DNAJC16: variants seen among roughly 807,000 people sequenced by gnomAD.
The protein encoded by DNAJC16 is DnaJ heat shock protein family (Hsp40) member C16, also known as dnaJ homolog subfamily C member 16.
DNAJC16 carries 76 observed loss-of-function variants against 92.7 expected under a neutral mutation model. That is an observed-to-expected ratio of 0.82 (90% CI 0.68 to 0.99). DNAJC16 has a LOEUF of 0.99. Among genes scored for constraint, DNAJC16 ranks in the 50% least tolerant of loss-of-function variants. The probability of loss-of-function intolerance (pLI) is 0.00; values close to 1 mark genes in which losing one functional copy is unlikely to be tolerated. For missense variants in DNAJC16, 869 were observed against 942.4 expected, an observed-to-expected ratio of 0.92 and a Z score of 1.02; for synonymous variants, 328 against 358.7, an observed-to-expected ratio of 0.91 and a Z score of 0.97.
chr1:15,554,853 A>G (rs1447661478), intron 7 of DNAJC16, among the ~76,000 whole-genome samples: 1 of 152,112 alleles, frequency 6.6e-6, no homozygotes, highest in African/African-American at 2.4e-5. Context: ...TAGGGGAAGT[A>G]TGTCTTAAAG....
At chr1:15,552,766 AT>A (rs1247280903) in intron 7 of DNAJC16, among the ~76,000 whole-genome samples, 55 of 125,944 alleles carry the variant, frequency 4.4e-4, no homozygotes, top group East Asian at 7.1e-4. Flanking sequence ...TATTATTATT[AT>A]TTATTTTTTT....
Position 15,536,722 on chromosome 1 carries a change from C to A in DNAJC16, c.482C>A (p.Pro161His), listed in dbSNP as rs755869317. The change falls in exon 4 of 15, where the codon CCC becomes CAC. Residue 161 changes from proline to histidine, a missense_variant. By Grantham distance (77) the Pro-to-His change is moderately conservative. Transcript: ENST00000375847. ...NEVVPDSFKK[P>H]YLIKITSDWC... The stretch of plus-strand genomic sequence containing the variant: ...GTGGTTCCAGATAGCTTCAAGAAAC[C>A]CTACCTCATCAAGATCACCTCCGAT... 2 of 1,614,154 alleles carry A rather than the reference C, an allele frequency of 1.2e-6. No individual in the cohort carries two copies. Among genetic ancestry groups the A allele is most frequent in the African/African-American group, 1.3e-5 (1 of 75,032 alleles).
In DNAJC16 at chr1:15,568,988, C is replaced by G; in HGVS notation, c.*811C>G. 1 of 315,216 alleles carries G rather than the reference C, an allele frequency of 3.2e-6. No homozygotes were observed. Among genetic ancestry groups the G allele is most frequent in the African/African-American group, 2.1e-5 (1 of 47,104 alleles). 19.5% of individuals were successfully genotyped at this position (315,216 alleles called of 1,614,324 possible). A position where few individuals can be genotyped will look rare whatever the true frequency, so the allele number is the denominator to read the frequency against. ...CGTTGACATGTATGTCTTCAGATGCCTTTCTGCCTCTGTCGATTTTAGGGT... is the reference window on the plus strand; with the variant it reads ...CGTTGACATGTATGTCTTCAGATGCGTTTCTGCCTCTGTCGATTTTAGGGT... On this transcript the variant is annotated 3_prime_UTR_variant, in exon 15 of 15. Transcript: ENST00000375847.
chr1:15,562,842 A>T (rs1166411332), intron 9 of DNAJC16, among the ~76,000 whole-genome samples: 3 of 151,238 alleles, frequency 2.0e-5, no homozygotes, highest in Non-Finnish European at 4.4e-5. Context: ...TGTCAGCCTC[A>T]GGCCCCCACA....
chr1:15,556,577 A>G (rs775249716), intron 7 of DNAJC16, among the ~76,000 whole-genome samples: 2 of 152,232 alleles, frequency 1.3e-5, no homozygotes, highest in African/African-American at 4.8e-5. Context: ...AAACTCTTCT[A>G]TTAACTTAAA....
intron 8 of DNAJC16, among the ~76,000 whole-genome samples, chr1:15,561,691 A>C (rs968054962): frequency 6.6e-6 from 1 of 152,002 alleles, no homozygotes; most frequent in Admixed American, 6.6e-5. Context: ...ATCTCAAAAA[A>C]TAAAATGAAA....
chr1:15,557,066 A>G (rs1481113264), intron 7 of DNAJC16, among the ~76,000 whole-genome samples: 2 of 152,332 alleles, frequency 1.3e-5, no homozygotes, highest in East Asian at 1.9e-4. Flanking sequence ...TATGCTTTCA[A>G]TATATTGCTG....
At chr1:15,548,880 C>G (rs933695100) in intron 7 of DNAJC16, among the ~76,000 whole-genome samples, 1 of 152,150 alleles carries the variant, frequency 6.6e-6, no homozygotes, top group African/African-American at 2.4e-5. Context: ...AGTTAAAAAA[C>G]TGGGGGAATA....
At chr1:15,550,471 G>A (rs1295278583) in intron 7 of DNAJC16, among the ~76,000 whole-genome samples, 2 of 152,130 alleles carry the variant, frequency 1.3e-5, no homozygotes, top group Admixed American at 6.5e-5. Context: ...GTTGCTCTAG[G>A]TAATTTGTTG....
chr1:15,562,467 G>A, intron 9 of DNAJC16, 142 bp downstream of exon 9: 1 of 905,138 alleles, frequency 1.1e-6, no homozygotes, highest in Non-Finnish European at 1.5e-6. Flanking sequence ...CTACTCTTTT[G>A]TTTTTCCTTT....
At chr1:15,546,915 C>CTTTTTTTTTTTTTTTTTTTT in intron 6 of DNAJC16, 44 bp downstream of exon 6, 1 of 906,246 alleles carries the variant, frequency 1.1e-6, no homozygotes, top group South Asian at 1.9e-5. Context: ...CTTTTCTTTT[C>CTTTTTTTTTTTTTTTTTTTT]TTTTTTTTTT....
intron 7 of DNAJC16, among the ~76,000 whole-genome samples, chr1:15,556,125 C>CTT (rs35148374): frequency 5.4e-5 from 7 of 130,572 alleles, no homozygotes; most frequent in African/African-American, 1.7e-4. Context: ...GAGACTTTAT[C>CTT]TTTTTTTTTT....
intron 7 of DNAJC16, among the ~76,000 whole-genome samples, chr1:15,557,957 G>T (rs1638604355): frequency 6.6e-6 from 1 of 151,712 alleles, no homozygotes; most frequent in African/African-American, 2.4e-5. Context: ...CCGTTGCCCA[G>T]GCTGGTATGC....
rs1638920252 is a variant in DNAJC16, at chr1:15,570,361, T to C, written c.*2184T>C. The stretch of plus-strand genomic sequence containing the variant: ...ACTTTAATTTCTGAAAACCAAAAAC[T>C]CTCCAAGTGTATTTATTTATATTTT... On this transcript the variant is annotated 3_prime_UTR_variant, in exon 15 of 15. Coordinates refer to ENST00000375847, the MANE Select transcript of DNAJC16 (RefSeq NM_015291.4). The C allele has an allele frequency of 6.6e-6, 1 of 152,158 alleles. No individual in the cohort carries two copies. The highest frequency in any genetic ancestry group is 1.5e-5 in the Non-Finnish European group (1 of 68,034). 9.4% of individuals were successfully genotyped at this position (152,158 alleles called of 1,614,324 possible).
intron 7 of DNAJC16, among the ~76,000 whole-genome samples, chr1:15,552,445 C>T (rs1293918902): frequency 6.6e-6 from 1 of 150,824 alleles, no homozygotes; most frequent in Admixed American, 6.6e-5. Context: ...GCCAAGATCG[C>T]GCCACTGCAC....
At position 15,529,267 on chromosome 1, in the gene DNAJC16, G is replaced by A. The variant is rs763339847; in HGVS notation, c.162G>A (p.Arg54=). 1.4e-5 allele frequency: 23 copies of A among 1,606,170 alleles called. No individual in the cohort carries two copies. In the Admixed American group the frequency reaches 3.2e-4, roughly 22 times the overall value. ...DIKKAYKKLA[R]EWHPDKNKDP... is the part of the protein sequence containing the mutation. ...AAAAGGCTTATAAGAAGCTCGCCCG[G>A]GAATGGTAGGTGAAACAAAGAAATA... The change falls in exon 2 of 15, where the codon CGG becomes CGA. Residue 54 remains arginine, a synonymous_variant. Coordinates refer to ENST00000375847, the MANE Select transcript of DNAJC16 (RefSeq NM_015291.4).
At chr1:15,562,001 T>C (rs1638702371) in intron 8 of DNAJC16, 141 bp from the exon 9 acceptor site, 1 of 713,994 alleles carries the variant, frequency 1.4e-6, no homozygotes, top group Non-Finnish European at 2.1e-6. Flanking sequence ...CCTCCCTTAG[T>C]TGAAATGTCA....
rs779491655 is a variant in DNAJC16, at chr1:15,566,079, T to C, written c.1680-3T>C. On this transcript the variant is annotated splice_polypyrimidine_tract_variant and splice_region_variant and intron_variant, in intron 12 of 14. Coordinates refer to ENST00000375847, the MANE Select transcript of DNAJC16 (RefSeq NM_015291.4). ...TTGTAAAACTCCTTTTTTCTTACTTTAGCGACTCTAATGATGAGCGAGAGT... is the reference window on the plus strand; with the variant it reads ...TTGTAAAACTCCTTTTTTCTTACTTCAGCGACTCTAATGATGAGCGAGAGT... The C allele has an allele frequency of 3.7e-6, 6 of 1,613,194 alleles. No homozygotes were observed. Among genetic ancestry groups the C allele is most frequent in the East Asian group, 2.2e-5 (1 of 44,868 alleles).
chr1:15,562,022 G>A (rs1435805822), intron 8 of DNAJC16, 120 bp from the exon 9 acceptor site: 1 of 909,976 alleles, frequency 1.1e-6, no homozygotes, highest in Non-Finnish European at 1.6e-6. Context: ...GCTTTCACTG[G>A]GCACAGTGTA....
Sources: gnomAD v4.1 joint callset for allele counts (sites outside exome capture counted in the v4.1 genomes callset) on GRCh38, gnomAD v4.1.1 for gene constraint, MANE v1.5 for transcripts, NCBI Gene and HGNC (gene_info 2026-07-23, HGNC 2026-07-21) for gene names.